The following PCDHA5 variants were observed in gnomAD, a reference collection of about 807,000 sequenced individuals.
The protein encoded by PCDHA5 is protocadherin alpha-5.
Under a neutral mutation model 61.6 loss-of-function variants are expected in PCDHA5, and 43 were observed. The observed-to-expected ratio is 0.70, with a 90% CI of 0.55 to 0.90. The LOEUF (loss-of-function observed/expected upper bound fraction) is 0.90. Ranked by LOEUF, PCDHA5 falls within the 40% of genes least tolerant of loss-of-function variation. The pLI is 0.00. For missense variants in PCDHA5, 1,298 were observed against 1,222.7 expected, an observed-to-expected ratio of 1.06 and a Z score of -0.92; for synonymous variants, 627 against 543.9, an observed-to-expected ratio of 1.15 and a Z score of -2.13.
At chr5:140,907,411 GA>G (rs1435126945) in intron 1 of PCDHA5, among the ~76,000 whole-genome samples, 1 of 152,192 alleles carries the variant, frequency 6.6e-6, no homozygotes, top group Non-Finnish European at 1.5e-5. Flanking sequence ...GGAATACCAC[GA>G]TGGTGGATAA....
chr5:140,883,685 C>T (rs782100865), intron 1 of PCDHA5: 50 of 1,613,734 alleles, frequency 3.1e-5, no homozygotes, highest in Non-Finnish European at 3.7e-5. Context: ...GCCGGGCTGC[C>T]ACATCTTCAC....
chr5:140,980,057 C>T (rs559895684), intron 2 of PCDHA5, among the ~76,000 whole-genome samples: 2 of 152,272 alleles, frequency 1.3e-5, no homozygotes, highest in East Asian at 3.9e-4. Context: ...GATTCAGAAG[C>T]AATCAGTGAA....
At chr5:140,906,022 C>T (rs782487413) in intron 1 of PCDHA5, among the ~76,000 whole-genome samples, 9 of 152,192 alleles carry the variant, frequency 5.9e-5, no homozygotes, top group African/African-American at 1.2e-4. Context: ...AATCTCTCCA[C>T]GTTCTTCTGT....
At chr5:140,966,796 G>A (rs1255615650) in intron 1 of PCDHA5, 8 of 1,535,610 alleles carry the variant, frequency 5.2e-6, no homozygotes, top group African/African-American at 1.4e-5. Flanking sequence ...GACCTGCGGC[G>A]ACAGAGCATC....
At chr5:140,878,103 G>GA (rs748975221) in intron 1 of PCDHA5, 34 of 261,730 alleles carry the variant, frequency 1.3e-4, no homozygotes, top group Non-Finnish European at 2.0e-4. Context: ...GATGAACCTT[G>GA]AAAAAAACAG....
chr5:140,870,903 A>G lies in PCDHA5; in HGVS notation c.2352+46776A>G, dbSNP rs182770106. On this transcript the variant is annotated intron_variant, in intron 1 of 3. Transcript: ENST00000529859. ...AGGTGCGCGCAGTGGATGCGGACTC[A>G]GGCTACAACGCGTGGCTTTCATATG... The G allele has an allele frequency of 1.9e-6, 3 of 1,613,930 alleles. No individual in the cohort carries two copies. In the East Asian group the frequency reaches 6.7e-5, roughly 36 times the overall value.
At chr5:140,921,414 T>G (rs2080207969) in intron 1 of PCDHA5, among the ~76,000 whole-genome samples, 1 of 152,206 alleles carries the variant, frequency 6.6e-6, no homozygotes, top group Admixed American at 6.5e-5. Flanking sequence ...TCCTCTGTGC[T>G]GCAGACAAAA....
At chr5:140,930,785 A>G (rs1485024316) in intron 1 of PCDHA5, among the ~76,000 whole-genome samples, 1 of 152,248 alleles carries the variant, frequency 6.6e-6, no homozygotes, top group Admixed American at 6.5e-5. Context: ...TTTTCACAAT[A>G]TAATAGAATC....
intron 1 of PCDHA5, among the ~76,000 whole-genome samples, chr5:140,978,243 C>T (rs2096793691): frequency 6.6e-6 from 1 of 152,170 alleles, no homozygotes; most frequent in South Asian, 2.1e-4. Context: ...ATTTCAGCTA[C>T]TCCCTGTTAA....
intron 1 of PCDHA5, chr5:140,829,818 C>T: frequency 1.2e-6 from 2 of 1,613,864 alleles, no homozygotes; most frequent in Non-Finnish European, 1.7e-6. Flanking sequence ...ACTGGTGGTG[C>T]AGTGAGCGAG....
chr5:140,836,793 T>C, intron 1 of PCDHA5: 8 of 1,403,902 alleles, frequency 5.7e-6, no homozygotes, highest in Non-Finnish European at 7.8e-6. Flanking sequence ...GTTCAATTGG[T>C]CTCCTTAAAT....
intron 1 of PCDHA5, among the ~76,000 whole-genome samples, chr5:140,921,475 A>G (rs1323812887): frequency 6.6e-6 from 1 of 152,074 alleles, no homozygotes; most frequent in Non-Finnish European, 1.5e-5. Context: ...CTACCAAACC[A>G]CTCTACCTGA....
chr5:140,961,748 A>G (rs2095633419), intron 1 of PCDHA5, among the ~76,000 whole-genome samples: 1 of 152,184 alleles, frequency 6.6e-6, no homozygotes, highest in Non-Finnish European at 1.5e-5. Flanking sequence ...GTAATATTAC[A>G]GTTTTGAAGG....
Position 140,896,583 on chromosome 5 carries a change from GC to G in PCDHA5, c.2352+72458del, listed in dbSNP as rs1194968470. The stretch of plus-strand genomic sequence containing the variant: ...GTAGAGATGGGGTTTTGACGTGTTG[GC>G]CAGGCTGGTCTCGAACTCCTGGTCT... On this transcript the variant is annotated intron_variant, in intron 1 of 3. Coordinates refer to ENST00000529859, the MANE Select transcript of PCDHA5 (RefSeq NM_018908.3). Among the ~76,000 whole-genome samples, 4 of 151,654 alleles carry G rather than the reference GC, an allele frequency of 2.6e-5. No individual in the cohort carries two copies. In the East Asian group the frequency reaches 7.8e-4, roughly 29 times the overall value.
intron 1 of PCDHA5, among the ~76,000 whole-genome samples, chr5:140,945,952 G>A (rs2093866662): frequency 6.6e-6 from 1 of 151,910 alleles, no homozygotes; most frequent in African/African-American, 2.4e-5. Context: ...ATATGACCCT[G>A]AAAGCACAGG....
intron 1 of PCDHA5, among the ~76,000 whole-genome samples, chr5:140,855,633 AT>A (rs1445956184): frequency 6.7e-6 from 1 of 149,874 alleles, no homozygotes; most frequent in Non-Finnish European, 1.5e-5. Flanking sequence ...AAATTCGGCT[AT>A]TGATAATCAT....
chr5:140,842,944 C>A (rs1165034372), intron 1 of PCDHA5: 1 of 1,594,432 alleles, frequency 6.3e-7, no homozygotes, highest in African/African-American at 1.3e-5. Flanking sequence ...GCGACGCGGG[C>A]GTGCCGCCTC....
chr5:140,874,567 G>A (rs2055003260), intron 1 of PCDHA5, among the ~76,000 whole-genome samples: 1 of 152,180 alleles, frequency 6.6e-6, no homozygotes, highest in African/African-American at 2.4e-5. Flanking sequence ...GCATTTTAGT[G>A]CTCCATTGTT....
At chr5:140,863,090 C>G (rs782806970) in intron 1 of PCDHA5, 1 of 575,070 alleles carries the variant, frequency 1.7e-6, no homozygotes, top group African/African-American at 1.9e-5. Flanking sequence ...GAGATCAGCA[C>G]GACGAGTACC....
Sources: gnomAD v4.1 joint callset for allele counts (sites outside exome capture counted in the v4.1 genomes callset) on GRCh38, gnomAD v4.1.1 for gene constraint, MANE v1.5 for transcripts, NCBI Gene and HGNC (gene_info 2026-07-23, HGNC 2026-07-21) for gene names.